ACOT7: variants seen among roughly 807,000 people sequenced by gnomAD.
ACOT7 encodes the protein cytosolic acyl coenzyme A thioester hydrolase.
A neutral mutation model predicts 40.2 loss-of-function variants in ACOT7; 12 were observed. The ratio of observed to expected loss-of-function variants is 0.30; its 90% CI spans 0.19 to 0.48. ACOT7 has a LOEUF of 0.48. Among genes scored for constraint, ACOT7 ranks in the 20% least tolerant of loss-of-function variants. The probability of loss-of-function intolerance (pLI) is 0.99; values close to 1 mark genes in which losing one functional copy is unlikely to be tolerated. For synonymous variants in ACOT7, 228 were observed against 219.5 expected, an observed-to-expected ratio of 1.04 and a Z score of -0.34; for missense variants, 395 against 530.8, an observed-to-expected ratio of 0.74 and a Z score of 2.51.
intron 4 of ACOT7, among the ~76,000 whole-genome samples, chr1:6,332,541 C>T (rs1640984729): frequency 6.6e-6 from 1 of 152,142 alleles, no homozygotes; most frequent in Non-Finnish European, 1.5e-5. Context: ...TTCTGCCGGG[C>T]GCAGTGGTTC....
intron 4 of ACOT7, among the ~76,000 whole-genome samples, chr1:6,329,003 T>G (rs1640883238): frequency 6.6e-6 from 1 of 151,700 alleles, no homozygotes; most frequent in East Asian, 1.9e-4. Flanking sequence ...TGCTCTCACA[T>G]TCACTCAACC....
chr1:6,290,901 G>A (rs1384989574), intron 7 of ACOT7, among the ~76,000 whole-genome samples: 1 of 152,166 alleles, frequency 6.6e-6, no homozygotes, highest in Non-Finnish European at 1.5e-5. Context: ...CAAAAGTGGG[G>A]GGCCCCTGGG....
intron 1 of ACOT7, among the ~76,000 whole-genome samples, chr1:6,363,759 C>T (rs970392346): frequency 8.5e-5 from 13 of 152,144 alleles, no homozygotes; most frequent in Middle Eastern, 3.2e-3. Flanking sequence ...AATAACAGCA[C>T]AGCCAGGCAT....
intron 6 of ACOT7, among the ~76,000 whole-genome samples, chr1:6,315,461 G>A (rs1640463069): frequency 6.6e-6 from 1 of 152,130 alleles, no homozygotes; most frequent in Non-Finnish European, 1.5e-5. Context: ...CCCTATAAGA[G>A]AAGGTTAAGG....
chr1:6,307,411 G>A (rs879697771), intron 6 of ACOT7, among the ~76,000 whole-genome samples: 10 of 152,242 alleles, frequency 6.6e-5, no homozygotes, highest in Non-Finnish European at 1.2e-4. Flanking sequence ...AAGTGGGAAT[G>A]CAGGAGTGAA....
In ACOT7 at chr1:6,301,613, G is replaced by A. The variant is rs904888109; in HGVS notation, c.713-6633C>T. On this transcript the variant is annotated intron_variant, in intron 6 of 8. Coordinates refer to ENST00000361521, the MANE Select transcript of ACOT7 (RefSeq NM_007274.4). The surrounding 1 kb of genome is among the most constrained non-coding windows in gnomAD (Gnocchi z 4.1). ...GGCATCTGGTGCTCAGGAAATGGTTGCTGAATGAATGAATTAATCAATGAA... is the reference window on the plus strand; with the variant it reads ...GGCATCTGGTGCTCAGGAAATGGTTACTGAATGAATGAATTAATCAATGAA... Among the ~76,000 whole-genome samples, 1 of 152,234 alleles carries A rather than the reference G, an allele frequency of 6.6e-6. No individual in the cohort carries two copies. The highest frequency in any genetic ancestry group is 2.4e-5 in the African/African-American group (1 of 41,460).
At chr1:6,267,388 G>A (rs768441669) in intron 8 of ACOT7, among the ~76,000 whole-genome samples, 5 of 152,364 alleles carry the variant, frequency 3.3e-5, no homozygotes, top group South Asian at 4.1e-4. Context: ...GGTGTCCTGG[G>A]GGGCTGGTGG....
At chr1:6,381,990 T>A (rs1443703369) in intron 1 of ACOT7, among the ~76,000 whole-genome samples, 2 of 150,898 alleles carry the variant, frequency 1.3e-5, no homozygotes, top group Non-Finnish European at 3.0e-5. Context: ...AAAAAAAAAT[T>A]AGCTGGGCGT....
intron 1 of ACOT7, among the ~76,000 whole-genome samples, chr1:6,370,009 A>G (rs1200562627): frequency 1.3e-5 from 2 of 152,192 alleles, no homozygotes; most frequent in Non-Finnish European, 2.9e-5. Context: ...TTCAATCCCA[A>G]TGTTGGAGGC....
At chr1:6,391,870 A>G (rs899111755) in intron 1 of ACOT7, among the ~76,000 whole-genome samples, 1 of 152,208 alleles carries the variant, frequency 6.6e-6, no homozygotes, top group Non-Finnish European at 1.5e-5. Context: ...CATGGAGCCC[A>G]AGTTTCCCAG....
intron 2 of ACOT7, among the ~76,000 whole-genome samples, chr1:6,344,733 C>T (rs1571327350): frequency 7.1e-6 from 1 of 140,590 alleles, no homozygotes; most frequent in African/African-American, 2.6e-5. Flanking sequence ...CATTGCACCC[C>T]AGCCTGGGCG....
rs1300631376 is a variant in ACOT7 at position 6,355,783 on chromosome 1, G to A, written c.144-5917C>T. Reference sequence around the variant, plus strand: ...TCATCCCAAGAGCGCCTACAGCAGCGGCCCTGGGGTCCAGCCCACATCCTC... The same window carrying A: ...TCATCCCAAGAGCGCCTACAGCAGCAGCCCTGGGGTCCAGCCCACATCCTC... On this transcript the variant is annotated intron_variant, in intron 1 of 8. Transcript: ENST00000361521. This position sits in a 1 kb window ranked among gnomAD's most constrained non-coding sequence, Gnocchi z 5.0. 6.6e-6 allele frequency among the ~76,000 whole-genome samples: 1 copy of A among 152,214 alleles called. No individual in the cohort carries two copies.
chr1:6,360,730 T>C, intron 1 of ACOT7: 5 of 1,604,092 alleles, frequency 3.1e-6, no homozygotes, highest in Non-Finnish European at 4.3e-6. Context: ...TGGGCCCCAA[T>C]ACTGTGCCCT....
At chr1:6,316,015 TAAAG>T (rs1050611773) in intron 6 of ACOT7, among the ~76,000 whole-genome samples, 111 of 152,128 alleles carry the variant, frequency 7.3e-4, no homozygotes, top group African/African-American at 2.4e-3. Flanking sequence ...TTTCAGCACA[TAAAG>T]AAAGAAAGAC....
intron 3 of ACOT7, among the ~76,000 whole-genome samples, chr1:6,334,251 A>G (rs1641039666): frequency 6.6e-6 from 1 of 152,248 alleles, no homozygotes; most frequent in Non-Finnish European, 1.5e-5. Flanking sequence ...CAAAATCAAA[A>G]GTGCCTTGCT....
At chr1:6,333,312 C>T (rs965028805) in intron 4 of ACOT7, among the ~76,000 whole-genome samples, 165 bp downstream of exon 4, 5 of 152,240 alleles carry the variant, frequency 3.3e-5, no homozygotes, top group Non-Finnish European at 7.3e-5. Context: ...GATGCCCTGC[C>T]CAGCCCAGAG....
At position 6,289,075 on chromosome 1, in the gene ACOT7, C is replaced by T. The variant is rs368359808; in HGVS notation, c.829+5789G>A. 6.6e-6 allele frequency among the ~76,000 whole-genome samples: 1 copy of T among 152,164 alleles called. No individual in the cohort carries two copies. The highest frequency in any genetic ancestry group is 1.5e-5 in the Non-Finnish European group (1 of 68,018). On this transcript the variant is annotated intron_variant, in intron 7 of 8. Transcript: ENST00000361521. The surrounding 1 kb of genome is among the most constrained non-coding windows in gnomAD (Gnocchi z 4.6). Reference sequence around the variant, plus strand: ...CCCCACAGGTCTGGCGTCTCCATTCCGCATTCCCACTGTTTTCTGGTTATT... The same window carrying T: ...CCCCACAGGTCTGGCGTCTCCATTCTGCATTCCCACTGTTTTCTGGTTATT...
At chr1:6,363,921 C>T (rs1641946414) in intron 1 of ACOT7, among the ~76,000 whole-genome samples, 1 of 152,076 alleles carries the variant, frequency 6.6e-6, no homozygotes, top group South Asian at 2.1e-4. Context: ...TCTGTGGTCC[C>T]AGCTACTCAG....
intron 6 of ACOT7, among the ~76,000 whole-genome samples, chr1:6,310,741 T>C (rs559828757): frequency 1.6e-4 from 25 of 152,240 alleles, no homozygotes; most frequent in African/African-American, 5.1e-4. Flanking sequence ...TTGTTGTTGT[T>C]GTTGCTTTTT....
Sources: allele counts gnomAD v4.1 joint callset (sites outside exome capture counted in the v4.1 genomes callset), GRCh38; gene constraint gnomAD v4.1.1; non-coding constraint Gnocchi (gnomAD v3.1); transcripts MANE v1.5; gene names NCBI Gene and HGNC (gene_info 2026-07-23, HGNC 2026-07-21).